TTLL11: variants seen among roughly 807,000 people sequenced by gnomAD.
The protein encoded by TTLL11 is tubulin polyglutamylase TTLL11.
Under a neutral mutation model 51.7 loss-of-function variants are expected in TTLL11, and 42 were observed. The observed-to-expected ratio is 0.81, with a 90% CI of 0.64 to 1.05. TTLL11 has a LOEUF of 1.05. TTLL11 is among the 50% of genes least tolerant of loss of function. The pLI is 0.00. For synonymous variants in TTLL11, 381 were observed against 383.5 expected (o/e 0.99, Z 0.08); for missense variants, 799 against 940.4 (o/e 0.85, Z 1.97).
intron 8 of TTLL11, among the ~76,000 whole-genome samples, chr9:121,851,161 G>A (rs1403085893): frequency 3.3e-5 from 5 of 152,282 alleles, no homozygotes; most frequent in Non-Finnish European, 4.4e-5. Context: ...AGAGTAAAAA[G>A]ATCAGGCGCT....
At chr9:121,837,904 G>A (rs571945991) in intron 8 of TTLL11, among the ~76,000 whole-genome samples, 32 of 152,234 alleles carry the variant, frequency 2.1e-4, no homozygotes, top group Admixed American at 2.0e-3. Flanking sequence ...CTGGAGACAC[G>A]GTCTTCCCAC....
intron 6 of TTLL11, among the ~76,000 whole-genome samples, chr9:121,919,023 T>C (rs1840433902): frequency 2.0e-5 from 3 of 152,216 alleles, no homozygotes. Flanking sequence ...TTTCTTGTCC[T>C]TGATTGGGTT....
At chr9:122,016,410 T>C (rs1843982184) in intron 3 of TTLL11, among the ~76,000 whole-genome samples, 1 of 152,182 alleles carries the variant, frequency 6.6e-6, no homozygotes. Flanking sequence ...TTACCCAAAG[T>C]CGGTCAAATC....
At chr9:121,967,210 ATTTTTTTTTTTTTTTTT>A (rs150372226) in intron 6 of TTLL11, among the ~76,000 whole-genome samples, 4 of 62,998 alleles carry the variant, frequency 6.3e-5, no homozygotes, top group South Asian at 8.8e-4. Context: ...TCAGCGGGAG[ATTTTTTTTTTTTTTTTT>A]TTTTTTTTTT....
intron 3 of TTLL11, among the ~76,000 whole-genome samples, chr9:122,013,907 G>A (rs1427773905): frequency 6.6e-6 from 1 of 152,228 alleles, no homozygotes; most frequent in Non-Finnish European, 1.5e-5. Context: ...TGAAAGTCCA[G>A]GAAAGCCAAA....
At chr9:121,898,893 G>A (rs1839645752) in intron 6 of TTLL11, among the ~76,000 whole-genome samples, 1 of 152,204 alleles carries the variant, frequency 6.6e-6, no homozygotes, top group Admixed American at 6.5e-5. Flanking sequence ...CAGGGAAGGA[G>A]CCATAAGCAC....
At chr9:122,054,684 T>C (rs1178497317) in intron 1 of TTLL11, among the ~76,000 whole-genome samples, 1 of 152,228 alleles carries the variant, frequency 6.6e-6, no homozygotes, top group Non-Finnish European at 1.5e-5. Flanking sequence ...TTATAAATTA[T>C]AAATGAACTC....
chr9:121,966,104 G>A (rs962391019), intron 6 of TTLL11, among the ~76,000 whole-genome samples: 2 of 152,188 alleles, frequency 1.3e-5, no homozygotes, highest in East Asian at 1.9e-4. Flanking sequence ...AAACACTTCC[G>A]AATTAGGACC....
chr9:122,077,468 G>A (rs986198603), intron 1 of TTLL11, among the ~76,000 whole-genome samples: 3 of 151,512 alleles, frequency 2.0e-5, no homozygotes, highest in African/African-American at 7.3e-5. Context: ...ATCAATAGAA[G>A]AATAAAAATA....
At chr9:121,982,802 C>T (rs1347526098) in intron 4 of TTLL11, among the ~76,000 whole-genome samples, 1 of 151,610 alleles carries the variant, frequency 6.6e-6, no homozygotes. Flanking sequence ...AGAACAAAGG[C>T]CTCTTCCAAA....
intron 2 of TTLL11, among the ~76,000 whole-genome samples, chr9:122,037,790 G>A (rs891429197): frequency 6.6e-6 from 1 of 152,182 alleles, no homozygotes; most frequent in African/African-American, 2.4e-5. Context: ...TGACTGTCCA[G>A]CAAGCCGTGT....
intron 6 of TTLL11, among the ~76,000 whole-genome samples, chr9:121,960,247 TACCTCAATATCCATGCA>T (rs1842174426): frequency 6.6e-6 from 1 of 152,244 alleles, no homozygotes; most frequent in Non-Finnish European, 1.5e-5. Flanking sequence ...TCTTTTGCTG[TACCTCAATATCCATGCA>T]CGAAGCTATA....
At chr9:121,866,659 C>CAA (rs10656322) in intron 7 of TTLL11, among the ~76,000 whole-genome samples, 16,362 of 128,854 alleles carry the variant, frequency 0.13, 1,644 homozygotes, top group African/African-American at 0.28. Flanking sequence ...GACTCCATCT[C>CAA]AAAAAAAAAA....
intron 8 of TTLL11, among the ~76,000 whole-genome samples, chr9:121,859,748 A>G (rs1837945874): frequency 6.6e-6 from 1 of 152,170 alleles, no homozygotes; most frequent in African/African-American, 2.4e-5. Context: ...GTCTAAGCTC[A>G]ACAGCCTCAC....
At chr9:121,942,476 T>C (rs1225284666) in intron 6 of TTLL11, among the ~76,000 whole-genome samples, 1 of 152,234 alleles carries the variant, frequency 6.6e-6, no homozygotes, top group East Asian at 1.9e-4. Flanking sequence ...GACCTCGCGA[T>C]GAGCATCTTT....
chr9:121,969,683 G>GT (rs1254353958), intron 6 of TTLL11, among the ~76,000 whole-genome samples: 4 of 152,028 alleles, frequency 2.6e-5, no homozygotes, highest in South Asian at 2.1e-4. Context: ...GATTCCATTT[G>GT]TTTTTTTCAA....
intron 1 of TTLL11, among the ~76,000 whole-genome samples, chr9:122,085,630 T>A (rs897247144): frequency 3.3e-5 from 5 of 152,152 alleles, no homozygotes; most frequent in African/African-American, 1.2e-4. Flanking sequence ...TATTAAATTT[T>A]CCCCCTGTTT....
chr9:121,980,238 T>C (rs145811050), intron 4 of TTLL11, among the ~76,000 whole-genome samples: 1 of 152,184 alleles, frequency 6.6e-6, no homozygotes, highest in East Asian at 1.9e-4. Flanking sequence ...AAAAGATAAA[T>C]TCAGAGAATG....
intron 1 of TTLL11, among the ~76,000 whole-genome samples, chr9:122,041,120 C>G (rs1007209954): frequency 1.3e-5 from 2 of 152,178 alleles, no homozygotes; most frequent in Non-Finnish European, 2.9e-5. Context: ...ATTGCCCCCC[C>G]TTTTAGAGGC....
Sources: gnomAD v4.1 joint callset for allele counts (sites outside exome capture counted in the v4.1 genomes callset) on GRCh38, gnomAD v4.1.1 for gene constraint, MANE v1.5 for transcripts, NCBI Gene and HGNC (gene_info 2026-07-23, HGNC 2026-07-21) for gene names.